The following GSG1L variants were observed in gnomAD, a reference collection of about 807,000 sequenced individuals.
GSG1L encodes GSG1 like.
GSG1L carries 24 observed loss-of-function variants against 42.1 expected under a neutral mutation model. That is an observed-to-expected ratio of 0.57 (90% CI 0.41 to 0.80). The LOEUF (loss-of-function observed/expected upper bound fraction) is 0.80. Among genes scored for constraint, GSG1L ranks in the 30% least tolerant of loss-of-function variants. The probability of loss-of-function intolerance (pLI) is 0.00; values close to 1 mark genes in which losing one functional copy is unlikely to be tolerated. For missense variants in GSG1L, 445 were observed against 472.2 expected (o/e 0.94, Z 0.53); for synonymous variants, 215 against 203.5 (o/e 1.06, Z -0.48).
chr16:27,982,495 C>T (rs1000710001), intron 1 of GSG1L, among the ~76,000 whole-genome samples: 1 of 152,174 alleles, frequency 6.6e-6, no homozygotes, highest in African/African-American at 2.4e-5. Context: ...TCTCTCTTTC[C>T]TCTTCCACCT....
intron 1 of GSG1L, among the ~76,000 whole-genome samples, chr16:28,054,548 A>T (rs995009947): frequency 6.6e-6 from 1 of 152,068 alleles, no homozygotes; most frequent in African/African-American, 2.4e-5. Flanking sequence ...AGAATCGCTT[A>T]AACCCAGGAG....
At chr16:27,890,482 A>T (rs1431210391) in intron 2 of GSG1L, among the ~76,000 whole-genome samples, 1 of 152,190 alleles carries the variant, frequency 6.6e-6, no homozygotes, top group Non-Finnish European at 1.5e-5. Context: ...CTCCATGCAA[A>T]AGATGACGGT....
intron 2 of GSG1L, among the ~76,000 whole-genome samples, chr16:27,909,922 A>C (rs1048399886): frequency 5.3e-5 from 8 of 151,314 alleles, no homozygotes; most frequent in African/African-American, 1.9e-4. Flanking sequence ...GCCCATGAGC[A>C]CACAGTAATT....
intron 1 of GSG1L, among the ~76,000 whole-genome samples, chr16:28,026,609 C>T (rs1387734667): frequency 2.0e-5 from 3 of 152,158 alleles, no homozygotes; most frequent in African/African-American, 7.2e-5. Flanking sequence ...TGGGCTTGGC[C>T]GGTCTTGGTT....
At chr16:27,960,434 G>C (rs999476574) in intron 2 of GSG1L, among the ~76,000 whole-genome samples, 2 of 152,096 alleles carry the variant, frequency 1.3e-5, no homozygotes, top group African/African-American at 4.8e-5. Context: ...CGCGATTATC[G>C]TATGTGGCAG....
intron 6 of GSG1L, among the ~76,000 whole-genome samples, chr16:27,793,554 A>T (rs533957320): frequency 6.6e-6 from 1 of 152,292 alleles, no homozygotes; most frequent in South Asian, 2.1e-4. Context: ...TTTCTAAATA[A>T]GCATTTAGGC....
intron 2 of GSG1L, among the ~76,000 whole-genome samples, chr16:27,958,733 T>C (rs1008024490): frequency 6.6e-6 from 1 of 152,092 alleles, no homozygotes; most frequent in Admixed American, 6.5e-5. Flanking sequence ...TGGAGTGCAG[T>C]GGCATGATCT....
chr16:27,887,166 G>A (rs1031716718), intron 2 of GSG1L, among the ~76,000 whole-genome samples: 1 of 151,794 alleles, frequency 6.6e-6, no homozygotes, highest in Admixed American at 6.6e-5. Flanking sequence ...ATGTTGCGCC[G>A]GCTGGTCTCA....
At chr16:27,940,295 C>T (rs1051099194) in intron 2 of GSG1L, among the ~76,000 whole-genome samples, 16 of 150,594 alleles carry the variant, frequency 1.1e-4, no homozygotes, top group African/African-American at 3.2e-4. Flanking sequence ...GTCAGTGTGG[C>T]GATTCCTCAG....
At chr16:27,832,573 C>G (rs2083284172) in intron 4 of GSG1L, among the ~76,000 whole-genome samples, 1 of 152,202 alleles carries the variant, frequency 6.6e-6, no homozygotes, top group Non-Finnish European at 1.5e-5. Context: ...TTGCTAAGTA[C>G]AGTATTCCTG....
intron 2 of GSG1L, among the ~76,000 whole-genome samples, chr16:27,959,648 T>G (rs1361064596): frequency 6.6e-6 from 1 of 151,766 alleles, no homozygotes; most frequent in Non-Finnish European, 1.5e-5. Context: ...TGGGGCATGG[T>G]AGTGCGCACC....
chr16:27,919,187 A>T (rs1344201946), intron 2 of GSG1L, among the ~76,000 whole-genome samples: 1 of 152,142 alleles, frequency 6.6e-6, no homozygotes, highest in Non-Finnish European at 1.5e-5. Flanking sequence ...TCTCATTCAA[A>T]CCTGTTCGTA....
intron 1 of GSG1L, among the ~76,000 whole-genome samples, chr16:27,968,809 A>G (rs1367596673): frequency 1.3e-5 from 2 of 152,208 alleles, no homozygotes; most frequent in Non-Finnish European, 2.9e-5. Context: ...CAATTCATAC[A>G]TTTAAAGTAT....
intron 5 of GSG1L, among the ~76,000 whole-genome samples, chr16:27,808,553 G>C (rs1341043106): frequency 2.0e-5 from 3 of 151,880 alleles, no homozygotes; most frequent in Non-Finnish European, 4.4e-5. Context: ...CGAGTAGCTG[G>C]GATTACAGGT....
intron 5 of GSG1L, among the ~76,000 whole-genome samples, chr16:27,809,551 C>A (rs1468199747): frequency 2.7e-5 from 4 of 150,566 alleles, no homozygotes; most frequent in African/African-American, 9.8e-5. Context: ...GCACTCCAGC[C>A]CAAGCAACAA....
chr16:27,806,585 G>C (rs989712833), intron 6 of GSG1L, among the ~76,000 whole-genome samples: 6 of 152,192 alleles, frequency 3.9e-5, no homozygotes, highest in African/African-American at 1.4e-4. Context: ...CCAGGGTGAG[G>C]GAGCTGGGGT....
intron 1 of GSG1L, among the ~76,000 whole-genome samples, chr16:28,056,007 G>A (rs1418139592): frequency 6.6e-6 from 1 of 152,094 alleles, no homozygotes; most frequent in Non-Finnish European, 1.5e-5. Flanking sequence ...GAAGAAAGAA[G>A]AACATCTGAC....
intron 3 of GSG1L, among the ~76,000 whole-genome samples, chr16:27,880,451 A>G (rs1392758651): frequency 6.6e-6 from 1 of 152,174 alleles, no homozygotes; most frequent in African/African-American, 2.4e-5. Context: ...AGTCTGTGAA[A>G]AGAGCACAGG....
chr16:27,996,769 C>T (rs775447264), intron 1 of GSG1L, among the ~76,000 whole-genome samples: 3 of 152,132 alleles, frequency 2.0e-5, no homozygotes, highest in Non-Finnish European at 4.4e-5. Flanking sequence ...CCTTATAAAT[C>T]TTTTTCCTTT....
Sources: allele counts gnomAD v4.1 joint callset (sites outside exome capture counted in the v4.1 genomes callset), GRCh38; gene constraint gnomAD v4.1.1; transcripts MANE v1.5; gene names NCBI Gene and HGNC (gene_info 2026-07-23, HGNC 2026-07-21).